Variants in PDSS1 observed in about 807,000 individuals in gnomAD.
PDSS1 encodes the protein all trans-polyprenyl-diphosphate synthase PDSS1.
In PDSS1, 43 loss-of-function variants were observed where a neutral mutation model predicts 57.5. The ratio of observed to expected loss-of-function variants is 0.75; its 90% confidence interval spans 0.59 to 0.96. PDSS1 has a LOEUF of 0.96. PDSS1 is among the 50% of genes least tolerant of loss of function. The pLI is 0.00. For missense variants in PDSS1, 438 were observed against 527.8 expected, an observed-to-expected ratio of 0.83 and a Z score of 1.67; for synonymous variants, 175 against 191.3, an observed-to-expected ratio of 0.91 and a Z score of 0.70.
At position 26,746,480 on chromosome 10, in the gene PDSS1, TTTCTG is replaced by T. The variant is rs747179524; in HGVS notation, c.*12_*16del. 2 of 1,613,878 alleles carry T rather than the reference TTTCTG, an allele frequency of 1.2e-6. No individual in the cohort carries two copies. The highest frequency in any genetic ancestry group is 1.7e-6 in the Non-Finnish European group (2 of 1,179,878). ...ACTCACAAGAGATAAATGACAACTC[TTTCTG>T]TTCTTTCTGGCAGCTATCTTACCAG... On this transcript the variant is annotated 3_prime_UTR_variant, in exon 12 of 12. Coordinates refer to ENST00000376215, the MANE Select transcript of PDSS1 (RefSeq NM_014317.5).
At chr10:26,746,265 A>G (rs1836895774) in intron 11 of PDSS1, 68 bp from the exon 12 acceptor site, 1 of 1,460,870 alleles carries the variant, frequency 6.8e-7, no homozygotes, top group African/African-American at 1.4e-5. Context: ...CATTTATTAT[A>G]GCAGGAAGTT....
Position 26,705,409 on chromosome 10 carries a change from C to T in PDSS1, c.336+15C>T. 7.9e-7 allele frequency: 1 copy of T among 1,261,310 alleles called. No homozygotes were observed. Among genetic ancestry groups the T allele is most frequent in the Non-Finnish European group, 1.2e-6 (1 of 862,714 alleles). The allele number at this position is 1,261,310 out of a possible 1,614,324, so 78.1% of individuals were successfully genotyped here. On this transcript the variant is annotated intron_variant, in intron 4 of 11. Transcript: ENST00000376215. ...ACATTAGAAAGGTGAGTTTTTTATT[C>T]TGCTGTGATGTAATGTTTTAGCTTA...
At chr10:26,714,466 CAAA>C (rs34696535) in intron 5 of PDSS1, among the ~76,000 whole-genome samples, 19 of 122,996 alleles carry the variant, frequency 1.5e-4, no homozygotes, top group Admixed American at 2.4e-4. Flanking sequence ...GACTCTGTCT[CAAA>C]AAAAAAAAAA....
chr10:26,701,090 G>C (rs1235440525), intron 1 of PDSS1, among the ~76,000 whole-genome samples: 1 of 152,198 alleles, frequency 6.6e-6, no homozygotes, highest in African/African-American at 2.4e-5. Flanking sequence ...GGTCACTCTT[G>C]CTATGCTTTA....
chr10:26,741,774 A>G (rs576432615), intron 10 of PDSS1, among the ~76,000 whole-genome samples: 94 of 152,334 alleles, frequency 6.2e-4, no homozygotes, highest in African/African-American at 2.1e-3. Flanking sequence ...TCTGTTAGAA[A>G]TGCATGCCAA....
At chr10:26,719,113 G>C (rs1003738791) in intron 5 of PDSS1, among the ~76,000 whole-genome samples, 7 of 152,156 alleles carry the variant, frequency 4.6e-5, no homozygotes, top group Non-Finnish European at 1.0e-4. Flanking sequence ...GATACAACCT[G>C]ATGGTATTTG....
At position 26,704,670 on chromosome 10, in the gene PDSS1, T is replaced by G. The variant is rs1209311743; in HGVS notation, c.163-7T>G. 1 of 1,115,378 alleles carries G rather than the reference T, an allele frequency of 9.0e-7. No individual in the cohort carries two copies. 69.1% of individuals were successfully genotyped at this position (1,115,378 alleles called of 1,614,324 possible). ...CTTACAAGTTTCTTGACATTTTTATTTTATAGATACCCTATATTAATCTTG... is the reference window on the plus strand; with the variant it reads ...CTTACAAGTTTCTTGACATTTTTATGTTATAGATACCCTATATTAATCTTG... On this transcript the variant is annotated splice_region_variant and splice_polypyrimidine_tract_variant and intron_variant, in intron 2 of 11. Transcript: ENST00000376215.
At chr10:26,745,935 A>G (rs981959923) in intron 11 of PDSS1, among the ~76,000 whole-genome samples, 3 of 152,056 alleles carry the variant, frequency 2.0e-5, no homozygotes, top group African/African-American at 7.2e-5. Context: ...AACCCTCTGT[A>G]CTTTCATTTT....
Position 26,720,275 on chromosome 10 carries a change from T to C in PDSS1, c.525T>C (p.Ala175=). The C allele has an allele frequency of 6.2e-7, 1 of 1,613,426 alleles. No individual in the cohort carries two copies. The stretch of plus-strand genomic sequence containing the variant: ...TAATTGCAGAAATGATCCACACTGC[T>C]AGTCTGGTTCACGATGACGTTATTG... The part of the protein sequence containing the change: ...IALIAEMIHT[A]SLVHDDVIDD... Residue 175 remains alanine (A), a synonymous_variant, in exon 6 of 12, where the codon GCT becomes GCC. Transcript: ENST00000376215.
At chr10:26,703,768 C>T (rs1381827922) in intron 2 of PDSS1, among the ~76,000 whole-genome samples, 1 of 152,094 alleles carries the variant, frequency 6.6e-6, no homozygotes, top group Non-Finnish European at 1.5e-5. Context: ...TGGTGTCTGG[C>T]AAAGTCAACT....
At chr10:26,727,059 C>CAAA (rs146269922) in intron 8 of PDSS1, among the ~76,000 whole-genome samples, 148 of 66,108 alleles carry the variant, frequency 2.2e-3, no homozygotes, top group African/African-American at 7.2e-3. Flanking sequence ...GAGAGTCTCT[C>CAAA]AAAAAAAAAA....
At chr10:26,731,528 G>A (rs1836198313) in intron 8 of PDSS1, among the ~76,000 whole-genome samples, 1 of 152,112 alleles carries the variant, frequency 6.6e-6, no homozygotes, top group Admixed American at 6.6e-5. Context: ...GTTGTGAGAG[G>A]AGTGCCTGCA....
At chr10:26,705,186 C>A in intron 3 of PDSS1, 100 bp from the exon 4 acceptor site, 1 of 716,870 alleles carries the variant, frequency 1.4e-6, no homozygotes, top group Admixed American at 2.0e-5. Context: ...TAATTTCTAG[C>A]AAATATTTGG....
intron 10 of PDSS1, among the ~76,000 whole-genome samples, chr10:26,738,353 G>A (rs769143265): frequency 2.6e-5 from 4 of 152,144 alleles, no homozygotes; most frequent in Non-Finnish European, 4.4e-5. Context: ...TTAAACATCT[G>A]GTAAATGGCA....
At position 26,697,785 on chromosome 10, in the gene PDSS1, C is replaced by A. The variant is rs863224160; in HGVS notation, c.74C>A (p.Ser25Tyr). 1.1e-5 allele frequency: 15 copies of A among 1,307,564 alleles called. No individual in the cohort carries two copies. The highest frequency in any genetic ancestry group is 3.2e-5 in the East Asian group (1 of 31,714). The allele number at this position is 1,307,564 out of a possible 1,614,324, so 81.0% of individuals were successfully genotyped here. A position where few individuals can be genotyped will look rare whatever the true frequency, so the allele number is the denominator to read the frequency against. Reference sequence around the variant, plus strand: ...GCGGCGCGGAGCCCCGGGCCCGGCTCCCCCGGCCGTGCGGGACCGTTGGGG... The same window carrying A: ...GCGGCGCGGAGCCCCGGGCCCGGCTACCCCGGCCGTGCGGGACCGTTGGGG... ...KPAARSPGPG[S>Y]PGRAGPLGPS... Residue 25 changes from serine to tyrosine, a missense_variant, in exon 1 of 12, where the codon TCC becomes TAC. By Grantham distance (144) the Ser-to-Tyr change is moderately radical. This residue lies in a region of PDSS1 where 154 missense variants were observed against 137.0 expected (regional missense o/e 1.12). Coordinates refer to ENST00000376215, the MANE Select transcript of PDSS1 (RefSeq NM_014317.5).
chr10:26,730,048 G>C (rs182547306), intron 8 of PDSS1, among the ~76,000 whole-genome samples: 2,743 of 151,524 alleles, frequency 0.018, 80 homozygotes, highest in African/African-American at 0.062. Flanking sequence ...GAGTAGCTGG[G>C]ACTACAGGTG....
intron 8 of PDSS1, among the ~76,000 whole-genome samples, chr10:26,728,803 G>A (rs1214416592): frequency 1.7e-4 from 16 of 95,720 alleles, no homozygotes; most frequent in African/African-American, 4.1e-5. Flanking sequence ...TTTTGAGCCA[G>A]GGTATCACTC....
intron 8 of PDSS1, chr10:26,734,702 A>G (rs1275143965): frequency 2.2e-6 from 1 of 456,200 alleles, no homozygotes; most frequent in Non-Finnish European, 4.4e-6. Context: ...ACACACCAAG[A>G]AATAACTGCA....
chr10:26,731,560 C>G (rs1370301154), intron 8 of PDSS1, among the ~76,000 whole-genome samples: 1 of 152,114 alleles, frequency 6.6e-6, no homozygotes, highest in Non-Finnish European at 1.5e-5. Flanking sequence ...GGGGTAATTG[C>G]ACATGTGGTT....
Sources: allele counts gnomAD v4.1 joint callset (sites outside exome capture counted in the v4.1 genomes callset), GRCh38; gene constraint gnomAD v4.1.1; regional missense constraint gnomAD v4.1.1; transcripts MANE v1.5; gene names NCBI Gene and HGNC (gene_info 2026-07-23, HGNC 2026-07-21).